The following SLC4A4 variants were observed in gnomAD, a reference collection of about 807,000 sequenced individuals.
The protein encoded by SLC4A4 is solute carrier family 4 member 4.
A neutral mutation model predicts 111.5 loss-of-function variants in SLC4A4; 27 were observed. That is an observed-to-expected ratio of 0.24 (90% confidence interval 0.18 to 0.33). The LOEUF is 0.33. Among genes scored for constraint, SLC4A4 ranks in the 10% least tolerant of loss-of-function variants. SLC4A4 has a pLI of 1.00. For missense variants in SLC4A4, 909 were observed against 1,315.5 expected (o/e 0.69, Z 4.78); for synonymous variants, 443 against 463.4 (o/e 0.96, Z 0.57).
chr4:71,309,180 G>C (rs1425498283), intron 3 of SLC4A4, among the ~76,000 whole-genome samples: 1 of 152,136 alleles, frequency 6.6e-6, no homozygotes, highest in Non-Finnish European at 1.5e-5. Flanking sequence ...CACTGGGCAG[G>C]GCATCTCTGA....
At chr4:71,299,025 C>T (rs1054111543) in intron 3 of SLC4A4, among the ~76,000 whole-genome samples, 6 of 152,172 alleles carry the variant, frequency 3.9e-5, no homozygotes, top group African/African-American at 9.7e-5. Flanking sequence ...TGAAGGAGGA[C>T]ATCTAACACA....
chr4:71,459,928 G>A (rs532124808), intron 12 of SLC4A4, among the ~76,000 whole-genome samples: 1 of 152,022 alleles, frequency 6.6e-6, no homozygotes, highest in Non-Finnish European at 1.5e-5. Context: ...TAGTGAGGGT[G>A]AATCTCCTTT....
At chr4:71,432,613 T>C (rs1723741848) in intron 7 of SLC4A4, among the ~76,000 whole-genome samples, 2 of 152,116 alleles carry the variant, frequency 1.3e-5, no homozygotes, top group South Asian at 4.1e-4. Flanking sequence ...GCATGTAAGA[T>C]ATATATACCT....
At chr4:71,459,811 T>G (rs1048766958) in intron 12 of SLC4A4, among the ~76,000 whole-genome samples, 17 of 152,120 alleles carry the variant, frequency 1.1e-4, no homozygotes, top group Non-Finnish European at 2.9e-5. Flanking sequence ...TCCACTTGCT[T>G]ATACCCTTGT....
intron 7 of SLC4A4, among the ~76,000 whole-genome samples, chr4:71,428,247 C>G (rs1304469900): frequency 6.6e-6 from 1 of 152,098 alleles, no homozygotes; most frequent in African/African-American, 2.4e-5. Context: ...TGGGCTCTCC[C>G]TTACACTTTT....
At chr4:71,225,472 G>A (rs1271404794) in intron 1 of SLC4A4, among the ~76,000 whole-genome samples, 2 of 152,092 alleles carry the variant, frequency 1.3e-5, no homozygotes, top group Admixed American at 1.3e-4. Context: ...AAATAAGATG[G>A]CATCCAGAAG....
chr4:71,555,142 T>C lies in SLC4A4; in HGVS notation c.2697T>C (p.Phe899=). 6.2e-7 allele frequency: 1 copy of C among 1,604,578 alleles called. No individual in the cohort carries two copies. Among genetic ancestry groups the C allele is most frequent in the African/African-American group, 1.3e-5 (1 of 74,748 alleles). Reference sequence around the variant, plus strand: ...TGTATCCATTTTTTTCCTTCTAGTTTATACCCATGCCTGTACTCTATGGTG... The same window carrying C: ...TGTATCCATTTTTTTCCTTCTAGTTCATACCCATGCCTGTACTCTATGGTG... The part of the protein sequence containing the change: ...LSVFMAPILK[F]IPMPVLYGVF... The change falls in exon 21 of 26, where the codon TTT becomes TTC. Residue 899 remains phenylalanine (F), a splice_region_variant and synonymous_variant. Transcript: ENST00000264485.
chr4:71,198,107 G>A (rs988590352), intron 1 of SLC4A4, among the ~76,000 whole-genome samples: 2 of 152,176 alleles, frequency 1.3e-5, no homozygotes, highest in African/African-American at 4.8e-5. Flanking sequence ...TTATGGTACA[G>A]GTATTAGGGC....
At chr4:71,329,290 T>G (rs1447689339) in intron 3 of SLC4A4, among the ~76,000 whole-genome samples, 1 of 152,084 alleles carries the variant, frequency 6.6e-6, no homozygotes, top group African/African-American at 2.4e-5. Flanking sequence ...TAAGGATGGC[T>G]TTAGCTATTC....
At chr4:71,458,702 AT>A (rs1726524020) in intron 12 of SLC4A4, among the ~76,000 whole-genome samples, 1 of 152,158 alleles carries the variant, frequency 6.6e-6, no homozygotes, top group East Asian at 1.9e-4. Context: ...GAACTATATC[AT>A]TTCTTATTTA....
At chr4:71,534,702 A>G (rs1049405800) in intron 18 of SLC4A4, among the ~76,000 whole-genome samples, 25 of 152,312 alleles carry the variant, frequency 1.6e-4, no homozygotes, top group Middle Eastern at 3.4e-3. Flanking sequence ...ACTATCCTCA[A>G]TAAAGACAAT....
chr4:71,150,756 G>A (rs1744295139), intron 2 of SLC4A4, among the ~76,000 whole-genome samples: 1 of 152,102 alleles, frequency 6.6e-6, no homozygotes, highest in South Asian at 2.1e-4. Context: ...GCAGCTTGCG[G>A]TCCTTAAGTT....
upstream of SLC4A4, among the ~76,000 whole-genome samples, chr4:71,186,453 T>C (rs1392661959): frequency 6.6e-6 from 1 of 152,202 alleles, no homozygotes; most frequent in East Asian, 1.9e-4. Flanking sequence ...TGGGGAACTC[T>C]TTTGAGTAGG....
intron 1 of SLC4A4, among the ~76,000 whole-genome samples, chr4:71,228,308 G>T (rs955303131): frequency 1.3e-5 from 2 of 152,142 alleles, no homozygotes; most frequent in Non-Finnish European, 2.9e-5. Flanking sequence ...GGGAGAGTTT[G>T]ATCCTAATAG....
At chr4:71,532,283 AT>A (rs1213109498) in intron 17 of SLC4A4, 108 bp downstream of exon 17, 22 of 766,326 alleles carry the variant, frequency 2.9e-5, no homozygotes, top group African/African-American at 5.2e-5. Context: ...AATTATCCAT[AT>A]TTTTTTTCCA....
At chr4:71,280,002 G>C (rs1723383665) in intron 3 of SLC4A4, among the ~76,000 whole-genome samples, 1 of 152,082 alleles carries the variant, frequency 6.6e-6, no homozygotes, top group African/African-American at 2.4e-5. Flanking sequence ...ACCATGTTGG[G>C]CAGGCTGTCT....
Position 71,453,557 on chromosome 4 carries a change from A to T in SLC4A4, c.1385A>T (p.Tyr462Phe), listed in dbSNP as rs1211916975. 1 of 1,613,990 alleles carries T rather than the reference A, an allele frequency of 6.2e-7. No individual in the cohort carries two copies. Among genetic ancestry groups the T allele is most frequent in the East Asian group, 2.2e-5 (1 of 44,862 alleles). The change falls in exon 12 of 26, where the codon TAT becomes TTT. Residue 462 changes from tyrosine (Y) to phenylalanine (F), a missense_variant. This residue lies in a region of SLC4A4 where 312 missense variants were observed against 402.0 expected (regional missense o/e 0.78). Coordinates refer to ENST00000264485, the MANE Select transcript of SLC4A4 (RefSeq NM_001098484.3). ...RKAPFFASDF[Y>F]DALNIQALSA... The stretch of plus-strand genomic sequence containing the variant: ...GCGCCATTTTTTGCCAGTGATTTTT[A>T]TGATGCTTTAAATATTCAAGCTCTT...
intron 16 of SLC4A4, among the ~76,000 whole-genome samples, chr4:71,506,189 A>T (rs989710930): frequency 1.5e-4 from 23 of 152,152 alleles, no homozygotes; most frequent in African/African-American, 5.6e-4. Context: ...GTTTCATATG[A>T]ATTTTAAAAT....
At chr4:71,075,510 C>A (rs934005046) in intron 1 of SLC4A4, among the ~76,000 whole-genome samples, 2 of 152,190 alleles carry the variant, frequency 1.3e-5, no homozygotes, top group African/African-American at 4.8e-5. Context: ...ACATCAGCCA[C>A]ACTGGCTTCT....
Sources: gnomAD v4.1 joint callset for allele counts (sites outside exome capture counted in the v4.1 genomes callset) on GRCh38, gnomAD v4.1.1 for gene constraint, gnomAD v4.1.1 regional missense constraint, MANE v1.5 for transcripts, NCBI Gene and HGNC (gene_info 2026-07-23, HGNC 2026-07-21) for gene names.